Variants in DUS2 observed in about 807,000 individuals in gnomAD.
The protein encoded by DUS2 is tRNA-dihydrouridine(20) synthase [NAD(P)+]-like.
DUS2 carries 52 observed loss-of-function variants against 71.3 expected under a neutral mutation model. That is an observed-to-expected ratio of 0.73 (90% CI 0.58 to 0.92). The LOEUF (loss-of-function observed/expected upper bound fraction) is 0.92, where lower values mean the gene tolerates loss of function less well. Among genes scored for constraint, DUS2 ranks in the 40% least tolerant of loss-of-function variants. The pLI is 0.00. For synonymous variants in DUS2, 204 were observed against 227.8 expected (o/e 0.90, Z 0.94); for missense variants, 558 against 622.6 (o/e 0.90, Z 1.10).
intron 8 of DUS2, among the ~76,000 whole-genome samples, chr16:68,064,483 G>T (rs149325070): frequency 2.0e-5 from 3 of 152,364 alleles, no homozygotes; most frequent in African/African-American, 4.8e-5. Context: ...ACAAGACAGA[G>T]AATTGGATCA....
chr16:68,058,267 C>T (rs1487295096), intron 7 of DUS2, among the ~76,000 whole-genome samples: 3 of 149,770 alleles, frequency 2.0e-5, no homozygotes, highest in Non-Finnish European at 3.0e-5. Flanking sequence ...TCTTGTCGTG[C>T]AGGCTGGAGT....
intron 16 of DUS2, 56 bp downstream of exon 16, chr16:68,078,574 C>G: frequency 1.3e-6 from 2 of 1,565,478 alleles, no homozygotes; most frequent in Non-Finnish European, 8.8e-7. Context: ...AGTGGGCATT[C>G]TGCCCACACA....
In DUS2 at chr16:68,079,112, CA is replaced by C. The variant is rs2034202106; in HGVS notation, c.*127del. On this transcript the variant is annotated 3_prime_UTR_variant, in exon 17 of 17. Transcript: ENST00000565263. Reference sequence around the variant, plus strand: ...GCCTGGCAGAAGTTAGATGTCCTGGCAGGGGCCATCAGCCTAGAGCATGGAC... The same window carrying C: ...GCCTGGCAGAAGTTAGATGTCCTGGCGGGGCCATCAGCCTAGAGCATGGAC... 2 of 899,320 alleles carry C rather than the reference CA, an allele frequency of 2.2e-6. No homozygotes were observed. The highest frequency in any genetic ancestry group is 1.7e-5 in the African/African-American group (1 of 59,956). 55.7% of individuals were successfully genotyped at this position (899,320 alleles called of 1,614,324 possible). A position where few individuals can be genotyped will look rare whatever the true frequency, so the allele number is the denominator to read the frequency against.
rs753826551 is a variant in DUS2 at position 68,078,847 on chromosome 16, TGCACAA to T, written c.1346_1351del (p.His449_Lys450del). On this transcript the variant is annotated inframe_deletion, in exon 17 of 17. Coordinates refer to ENST00000565263, the MANE Select transcript of DUS2 (RefSeq NM_017803.5). ...CGGCTGGGTGAGGAGAGCCCTTCCT[TGCACAA>T]GCGAAAGAGGGAGGCTCCTGACCAA... 7 of 1,613,786 alleles carry T rather than the reference TGCACAA, an allele frequency of 4.3e-6. No homozygotes were observed. The highest frequency in any genetic ancestry group is 1.1e-5 in the South Asian group (1 of 91,070).
intron 8 of DUS2, among the ~76,000 whole-genome samples, chr16:68,064,246 T>G (rs947666135): frequency 5.9e-5 from 9 of 152,182 alleles, no homozygotes; most frequent in Non-Finnish European, 1.0e-4. Flanking sequence ...TCATTCTTTC[T>G]CCCCAAAGAC....
At chr16:68,063,447 CT>C (rs905282553) in intron 8 of DUS2, among the ~76,000 whole-genome samples, 1 of 152,168 alleles carries the variant, frequency 6.6e-6, no homozygotes, top group African/African-American at 2.4e-5. Context: ...TTATGAAAAA[CT>C]TTGGAAATAC....
chr16:68,075,512 T>A lies in DUS2; in HGVS notation c.1082+8T>A, dbSNP rs1315272798. 2 of 1,609,086 alleles carry A rather than the reference T, an allele frequency of 1.2e-6. No individual in the cohort carries two copies. The highest frequency in any genetic ancestry group is 3.4e-5 in the Admixed American group (2 of 59,554). The stretch of plus-strand genomic sequence containing the variant: ...GGCTGTCAAGTTTGACCGGTAGGTC[T>A]CCAGCTTGGCCTCAGCTTGGGCTAG... On this transcript the variant is annotated splice_region_variant and intron_variant, in intron 14 of 16. Coordinates refer to ENST00000565263, the MANE Select transcript of DUS2 (RefSeq NM_017803.5).
At chr16:68,059,749 T>A (rs2033913560) in intron 7 of DUS2, among the ~76,000 whole-genome samples, 1 of 152,222 alleles carries the variant, frequency 6.6e-6, no homozygotes, top group Non-Finnish European at 1.5e-5. Flanking sequence ...ATATATTTAT[T>A]GGAATTGTTT....
At chr16:68,078,718 C>A (rs757401364) in intron 16 of DUS2, 31 bp from the exon 17 acceptor site, 1 of 1,582,354 alleles carries the variant, frequency 6.3e-7, no homozygotes, top group Non-Finnish European at 8.6e-7. Context: ...CTGCACCCTG[C>A]CCCTCACCTT....
chr16:68,066,914 C>G (rs2034013749), intron 10 of DUS2, among the ~76,000 whole-genome samples: 1 of 152,112 alleles, frequency 6.6e-6, no homozygotes, highest in South Asian at 2.1e-4. Flanking sequence ...CCTCTACTAT[C>G]AGGATGTGTA....
chr16:68,034,133 T>C (rs971140916), intron 2 of DUS2, among the ~76,000 whole-genome samples: 1 of 152,088 alleles, frequency 6.6e-6, no homozygotes, highest in African/African-American at 2.4e-5. Context: ...TGGTATGATA[T>C]CAGCTCAGCT....
rs545765653 is a variant in DUS2 at position 68,044,422 on chromosome 16, G to A, written c.127-5083G>A. Reference sequence around the variant, plus strand: ...TTTTTTTTTTTTTTTTTGAGATGAGGTCTCACTCTGTTACCCAGGCTCAAG... The same window carrying A: ...TTTTTTTTTTTTTTTTTGAGATGAGATCTCACTCTGTTACCCAGGCTCAAG... On this transcript the variant is annotated intron_variant, in intron 3 of 16. Coordinates refer to ENST00000565263, the MANE Select transcript of DUS2 (RefSeq NM_017803.5). 1.6e-3 allele frequency among the ~76,000 whole-genome samples: 240 copies of A among 146,610 alleles called. 1 individual carries two copies. The highest frequency in any genetic ancestry group is 0.01 in the Middle Eastern group (3 of 288).
At chr16:68,044,956 AT>A (rs1250836587) in intron 3 of DUS2, among the ~76,000 whole-genome samples, 1 of 151,376 alleles carries the variant, frequency 6.6e-6, no homozygotes. Flanking sequence ...CCATGCCTGG[AT>A]AATTTTTGTA....
At chr16:68,048,082 C>T (rs1303862558) in intron 3 of DUS2, among the ~76,000 whole-genome samples, 1 of 152,096 alleles carries the variant, frequency 6.6e-6, no homozygotes, top group Admixed American at 6.6e-5. Flanking sequence ...CATGTCTGGC[C>T]AGGGTTTGTT....
intron 7 of DUS2, among the ~76,000 whole-genome samples, chr16:68,059,345 A>G (rs1217136008): frequency 6.6e-6 from 1 of 152,256 alleles, no homozygotes; most frequent in Non-Finnish European, 1.5e-5. Context: ...AAGTAAGTTT[A>G]ATAGAAACGA....
intron 4 of DUS2, 131 bp downstream of exon 4, chr16:68,049,681 T>A: frequency 1.2e-6 from 1 of 817,334 alleles, no homozygotes; most frequent in Non-Finnish European, 2.1e-6. Context: ...ACATGCTCCC[T>A]TGAGAGCAGT....
chr16:68,078,380 C>A, intron 15 of DUS2, 65 bp from the exon 16 acceptor site: 2 of 1,444,046 alleles, frequency 1.4e-6, no homozygotes, highest in Non-Finnish European at 1.9e-6. Flanking sequence ...TTTGATTTGA[C>A]CCCAGCAGTT....
intron 16 of DUS2, 81 bp from the exon 17 acceptor site, chr16:68,078,668 C>A: frequency 6.6e-7 from 1 of 1,521,508 alleles, no homozygotes. Flanking sequence ...TCAGTCTTGT[C>A]AGAATCTGCC....
chr16:68,056,339 C>A, intron 6 of DUS2, 25 bp from the exon 7 acceptor site: 4 of 1,606,798 alleles, frequency 2.5e-6, no homozygotes, highest in Non-Finnish European at 3.4e-6. Flanking sequence ...ATACTTATTA[C>A]CTTTACTCCT....
Sources: allele counts gnomAD v4.1 joint callset (sites outside exome capture counted in the v4.1 genomes callset), GRCh38; gene constraint gnomAD v4.1.1; transcripts MANE v1.5; gene names NCBI Gene and HGNC (gene_info 2026-07-23, HGNC 2026-07-21).